PHLDB2: variants seen among roughly 807,000 people sequenced by gnomAD.
PHLDB2 encodes pleckstrin homology-like domain family B member 2.
PHLDB2 carries 71 observed loss-of-function variants against 123.6 expected under a neutral mutation model. That is an observed-to-expected ratio of 0.57 (90% confidence interval 0.47 to 0.70). PHLDB2 has a LOEUF of 0.70. PHLDB2 is among the 30% of genes least tolerant of loss of function. PHLDB2 has a pLI of 0.00. For missense variants in PHLDB2, 1,446 were observed against 1,519.5 expected (o/e 0.95, Z 0.80); for synonymous variants, 547 against 541.6 (o/e 1.01, Z -0.14).
In PHLDB2 at chr3:111,838,723, A is replaced by G. The variant is rs1161151977; in HGVS notation, c.-48-7098A>G. Among the ~76,000 whole-genome samples the G allele has an allele frequency of 2.6e-5, 4 of 152,166 alleles. No individual in the cohort carries two copies. The East Asian group carries it at 5.8e-4, about 22-fold the overall frequency. On this transcript the variant is annotated intron_variant, in intron 1 of 17. Transcript: ENST00000393923. ...ATTTTTTAAAACTTGCTTAGAATTA[A>G]TATCTAACAAAATGAGGATAGTTGT... is the stretch of plus-strand genomic sequence containing the variant.
chr3:111,790,138 T>G (rs2060854001), intron 1 of PHLDB2, among the ~76,000 whole-genome samples: 1 of 152,186 alleles, frequency 6.6e-6, no homozygotes, highest in South Asian at 2.1e-4. Flanking sequence ...AGCCTCTTAA[T>G]TTTGTTCCTG....
chr3:111,767,645 T>C (rs2060105233), intron 1 of PHLDB2, among the ~76,000 whole-genome samples: 1 of 152,204 alleles, frequency 6.6e-6, no homozygotes, highest in African/African-American at 2.4e-5. Flanking sequence ...TCTGAAGTAC[T>C]TAAAACTGTA....
At chr3:111,830,951 GAAAGAGAAAGAAAGAAAGAAAGAAA>G (rs2062945189) in intron 1 of PHLDB2, among the ~76,000 whole-genome samples, 1 of 109,720 alleles carries the variant, frequency 9.1e-6, no homozygotes, top group African/African-American at 3.0e-5. Context: ...AGGAAAGAAA[GAAAGAGAAAGAAAGAAAGAAAGAAA>G]GAAAGAAAGA....
chr3:111,747,397 G>GTAAATATATTTA (rs1460209356), intron 1 of PHLDB2, among the ~76,000 whole-genome samples: 2 of 151,828 alleles, frequency 1.3e-5, no homozygotes, highest in Non-Finnish European at 2.9e-5. Flanking sequence ...ATCTACATTG[G>GTAAATATATTTA]TAAATATATT....
intron 1 of PHLDB2, among the ~76,000 whole-genome samples, chr3:111,863,057 T>G (rs1341498106): frequency 2.0e-5 from 3 of 152,156 alleles, no homozygotes; most frequent in Non-Finnish European, 4.4e-5. Context: ...AAAGCACCAT[T>G]CCCTGTGAGA....
intron 2 of PHLDB2, among the ~76,000 whole-genome samples, chr3:111,888,458 G>A (rs2066299686): frequency 6.6e-6 from 1 of 152,136 alleles, no homozygotes; most frequent in African/African-American, 2.4e-5. Flanking sequence ...CCTGAGAGTA[G>A]TGAATGTTTG....
At position 111,831,030 on chromosome 3, in the gene PHLDB2, AAAGG is replaced by A. The variant is rs146504275; in HGVS notation, c.-48-14779_-48-14776del. Among the ~76,000 whole-genome samples the A allele has an allele frequency of 8.4e-3, 608 of 72,054 alleles. 46 individuals are homozygous for A. Among genetic ancestry groups the A allele is most frequent in the African/African-American group, 0.029 (466 of 16,346 alleles). 47.3% of individuals were successfully genotyped at this position (72,054 alleles called of 152,430 possible). ...GAAAGAAAGAAAGAAAGAAAGAAAGAAAGGAAGGAAGGAAGAAAGAGAAAAGAGA... is the reference window on the plus strand; with the variant it reads ...GAAAGAAAGAAAGAAAGAAAGAAAGAAAGGAAGGAAGAAAGAGAAAAGAGA... On this transcript the variant is annotated intron_variant, in intron 1 of 17. Coordinates refer to the PHLDB2 transcript ENST00000393923.
intron 5 of PHLDB2, among the ~76,000 whole-genome samples, chr3:111,925,402 C>G (rs1040822442): frequency 6.6e-6 from 1 of 152,158 alleles, no homozygotes; most frequent in Non-Finnish European, 1.5e-5. Flanking sequence ...ATCAATAACC[C>G]TGTTTCCATC....
rs547330918 is a variant in PHLDB2, at chr3:111,945,168, T to C, written c.2398-100T>C. ...TGAGAGGAAATAGAAATGGGGGAAA[T>C]ATGTGAGAATCTGATGTTAGTCTCT... On this transcript the variant is annotated intron_variant, in intron 8 of 17. Coordinates refer to ENST00000431670, the MANE Select transcript of PHLDB2 (RefSeq NM_001134438.2). 29 of 781,866 alleles carry C rather than the reference T, an allele frequency of 3.7e-5. No homozygotes were observed. In the African/African-American group the frequency reaches 5.1e-4, roughly 14 times the overall value. The allele number at this position is 781,866 out of a possible 1,614,324, so 48.4% of individuals were successfully genotyped here.
intron 1 of PHLDB2, among the ~76,000 whole-genome samples, chr3:111,750,771 C>T (rs2107962790): frequency 6.6e-6 from 1 of 152,114 alleles, no homozygotes; most frequent in South Asian, 2.1e-4. Flanking sequence ...CATGGTGAAA[C>T]CCCACCTCTA....
chr3:111,787,965 A>T (rs1267187561), intron 1 of PHLDB2, among the ~76,000 whole-genome samples: 1 of 152,226 alleles, frequency 6.6e-6, no homozygotes, highest in Non-Finnish European at 1.5e-5. Flanking sequence ...TATTAGAAAT[A>T]GAGGGTAAGA....
chr3:111,750,513 A>G (rs2059751208), intron 1 of PHLDB2, among the ~76,000 whole-genome samples: 2 of 152,336 alleles, frequency 1.3e-5, no homozygotes, highest in African/African-American at 2.4e-5. Context: ...TAAAGGAGAA[A>G]GTTGACGTAA....
chr3:111,951,954 A>G (rs1440656721), intron 10 of PHLDB2, among the ~76,000 whole-genome samples: 3 of 152,310 alleles, frequency 2.0e-5, no homozygotes, highest in African/African-American at 7.2e-5. Flanking sequence ...TTGCTTTAGA[A>G]ATCTGAAAAA....
chr3:111,965,590 A>G (rs1245019253), intron 13 of PHLDB2, among the ~76,000 whole-genome samples: 4 of 152,178 alleles, frequency 2.6e-5, no homozygotes, highest in Admixed American at 6.5e-5. Flanking sequence ...ATGTATCCCT[A>G]CTCTATGCCA....
rs955151741 is a variant in PHLDB2 at position 111,859,566 on chromosome 3, C to T, written c.-25C>T. 4 of 985,514 alleles carry T rather than the reference C, an allele frequency of 4.1e-6. No homozygotes were observed. The highest frequency in any genetic ancestry group is 4.8e-6 in the Non-Finnish European group (4 of 830,078). The allele number at this position is 985,514 out of a possible 1,614,324, so 61.0% of individuals were successfully genotyped here. A position where few individuals can be genotyped will look rare whatever the true frequency, so the allele number is the denominator to read the frequency against. On this transcript the variant is annotated 5_prime_UTR_variant, in exon 1 of 18. Transcript: ENST00000431670. ...CTCTCGCCGCCGGGAACGGGCTGCA[C>T]CAATGGCCAGGTGAGGAGGCGGCGG...
intron 1 of PHLDB2, among the ~76,000 whole-genome samples, chr3:111,876,365 A>G (rs1576968415): frequency 6.6e-6 from 1 of 152,124 alleles, no homozygotes; most frequent in African/African-American, 2.4e-5. Context: ...TAAGTTGAAA[A>G]TCTGCATATA....
At chr3:111,831,030 A>AAAGAAAGAAAGAAAGAAAGG (rs1559855366) in intron 1 of PHLDB2, among the ~76,000 whole-genome samples, 61 of 71,980 alleles carry the variant, frequency 8.5e-4, no homozygotes, top group Non-Finnish European at 1.4e-3. Context: ...AGAAAGAAAG[A>AAAGAAAGAAAGAAAGAAAGG]AAGGAAGGAA....
chr3:111,962,647 G>A (rs1383542428), intron 13 of PHLDB2, among the ~76,000 whole-genome samples: 2 of 152,094 alleles, frequency 1.3e-5, no homozygotes, highest in Non-Finnish European at 2.9e-5. Flanking sequence ...AAAAAAGAGG[G>A]CCCAGGCACA....
intron 2 of PHLDB2, among the ~76,000 whole-genome samples, chr3:111,851,194 TAA>T (rs11309576): frequency 0.016 from 1,685 of 103,646 alleles, 7 homozygotes; most frequent in East Asian, 0.035. Flanking sequence ...GATTCTGTCT[TAA>T]AAAAAAAAAA....
Sources: allele counts gnomAD v4.1 joint callset (sites outside exome capture counted in the v4.1 genomes callset), GRCh38; gene constraint gnomAD v4.1.1; transcripts MANE v1.5; gene names NCBI Gene and HGNC (gene_info 2026-07-23, HGNC 2026-07-21).